The following ERC2 variants were observed in gnomAD, a reference collection of about 807,000 sequenced individuals.
The protein encoded by ERC2 is ERC protein 2.
A neutral mutation model predicts 114.8 loss-of-function variants in ERC2; 42 were observed. The observed-to-expected ratio is 0.37, with a 90% CI of 0.29 to 0.47. ERC2 has a LOEUF of 0.47. Ranked by LOEUF, ERC2 falls within the 20% of genes least tolerant of loss-of-function variation. The pLI is 0.99. For missense variants in ERC2, 939 were observed against 1,150.7 expected, an observed-to-expected ratio of 0.82 and a Z score of 2.66; for synonymous variants, 454 against 425.5, an observed-to-expected ratio of 1.07 and a Z score of -0.82.
At chr3:56,231,557 C>T (rs1055209094) in intron 3 of ERC2, among the ~76,000 whole-genome samples, 2 of 152,184 alleles carry the variant, frequency 1.3e-5, no homozygotes, top group Non-Finnish European at 2.9e-5. Context: ...ACAATTAGAA[C>T]TCCATGACAG....
chr3:55,697,740 G>A (rs1329889271), intron 16 of ERC2, among the ~76,000 whole-genome samples: 2 of 151,920 alleles, frequency 1.3e-5, no homozygotes, highest in Non-Finnish European at 2.9e-5. Context: ...TACTCTTATG[G>A]TACTCTCTGT....
chr3:55,583,342 T>TCTGCCTGCCTGCCTGCCTGC (rs560504811), intron 17 of ERC2, among the ~76,000 whole-genome samples: 1 of 148,932 alleles, frequency 6.7e-6, no homozygotes, highest in East Asian at 1.9e-4. Flanking sequence ...TGCCTGCCTG[T>TCTGCCTGCCTGCCTGCCTGC]CTGCCTGCCT....
At chr3:56,037,491 C>T (rs750342741) in intron 7 of ERC2, among the ~76,000 whole-genome samples, 8 of 151,704 alleles carry the variant, frequency 5.3e-5, no homozygotes, top group Non-Finnish European at 1.0e-4. Context: ...GACAGTCAGA[C>T]GAGATTAGAG....
At chr3:55,920,888 C>T (rs1354354182) in intron 13 of ERC2, among the ~76,000 whole-genome samples, 1 of 152,052 alleles carries the variant, frequency 6.6e-6, no homozygotes, top group African/African-American at 2.4e-5. Context: ...CATTTGACCA[C>T]AGAAGAACAG....
intron 15 of ERC2, among the ~76,000 whole-genome samples, chr3:55,730,337 C>T (rs1327691051): frequency 1.3e-5 from 2 of 152,200 alleles, no homozygotes; most frequent in Non-Finnish European, 2.9e-5. Flanking sequence ...GATTCCCCAG[C>T]ACTGCCAGAG....
At chr3:56,228,428 C>A (rs1296103795) in intron 3 of ERC2, among the ~76,000 whole-genome samples, 1 of 152,224 alleles carries the variant, frequency 6.6e-6, no homozygotes, top group Admixed American at 6.5e-5. Flanking sequence ...AATCTGACTG[C>A]TCTAAGTACT....
At chr3:56,440,298 C>G (rs2062228333) in intron 1 of ERC2, among the ~76,000 whole-genome samples, 2 of 152,134 alleles carry the variant, frequency 1.3e-5, no homozygotes, top group Non-Finnish European at 2.9e-5. Flanking sequence ...AATCCCAGCA[C>G]TTTGGGAGGC....
At chr3:55,979,774 T>A (rs2069921188) in intron 12 of ERC2, among the ~76,000 whole-genome samples, 2 of 146,944 alleles carry the variant, frequency 1.4e-5, no homozygotes, top group Admixed American at 1.3e-4. Flanking sequence ...ACCCCACCTC[T>A]GCAAAAAAAA....
chr3:56,223,482 A>G (rs2050050822), intron 3 of ERC2, among the ~76,000 whole-genome samples: 1 of 151,582 alleles, frequency 6.6e-6, no homozygotes, highest in Non-Finnish European at 1.5e-5. Flanking sequence ...AATTAATAAA[A>G]GGACAACAAA....
chr3:56,046,319 C>G (rs2075456194), intron 7 of ERC2, among the ~76,000 whole-genome samples: 1 of 152,140 alleles, frequency 6.6e-6, no homozygotes, highest in Non-Finnish European at 1.5e-5. Context: ...TTAGGAGATA[C>G]CCACAGGACA....
At chr3:55,974,695 G>C (rs560349066) in intron 12 of ERC2, among the ~76,000 whole-genome samples, 5 of 152,250 alleles carry the variant, frequency 3.3e-5, no homozygotes, top group African/African-American at 9.6e-5. Flanking sequence ...AGAGCTGACT[G>C]TCTCCAGTCT....
chr3:55,524,642 A>C (rs1337262840), intron 17 of ERC2, among the ~76,000 whole-genome samples: 7 of 152,044 alleles, frequency 4.6e-5, no homozygotes, highest in Non-Finnish European at 8.8e-5. Flanking sequence ...CACAAGAAGG[A>C]GCAGTTGTCA....
chr3:56,038,479 T>C (rs2074943231), intron 7 of ERC2, among the ~76,000 whole-genome samples: 1 of 152,234 alleles, frequency 6.6e-6, no homozygotes, highest in Admixed American at 6.5e-5. Flanking sequence ...TTTTACATTG[T>C]TGGTGGGAAT....
chr3:55,903,621 A>G (rs968237768), intron 13 of ERC2, among the ~76,000 whole-genome samples: 1 of 152,260 alleles, frequency 6.6e-6, no homozygotes, highest in Non-Finnish European at 1.5e-5. Context: ...ATAATTATAC[A>G]TATATCGAAA....
chr3:56,267,333 A>G (rs1293211716), intron 3 of ERC2, among the ~76,000 whole-genome samples: 2 of 152,228 alleles, frequency 1.3e-5, no homozygotes, highest in Admixed American at 6.5e-5. Context: ...AAGCTATAAG[A>G]CATTATGCTA....
intron 12 of ERC2, among the ~76,000 whole-genome samples, chr3:55,975,978 A>C (rs2069560434): frequency 6.6e-6 from 1 of 152,156 alleles, no homozygotes. Context: ...ATTCATATAG[A>C]ATTTGTCACC....
intron 14 of ERC2, among the ~76,000 whole-genome samples, chr3:55,804,771 A>C (rs2059429093): frequency 6.6e-6 from 1 of 152,118 alleles, no homozygotes; most frequent in Non-Finnish European, 1.5e-5. Context: ...AAAATGAAAT[A>C]GCCACCATCA....
chr3:55,733,323 G>A (rs1159328960), intron 15 of ERC2, among the ~76,000 whole-genome samples: 1 of 152,052 alleles, frequency 6.6e-6, no homozygotes, highest in Non-Finnish European at 1.5e-5. Flanking sequence ...ATGCCACTCT[G>A]TGGAATGACC....
At chr3:56,169,156 A>G (rs918142214) in intron 4 of ERC2, among the ~76,000 whole-genome samples, 75 of 151,720 alleles carry the variant, frequency 4.9e-4, no homozygotes, top group African/African-American at 1.7e-3. Context: ...AAATCACCAA[A>G]CTTTTACTAA....
Sources: gnomAD v4.1 joint callset for allele counts (sites outside exome capture counted in the v4.1 genomes callset) on GRCh38, gnomAD v4.1.1 for gene constraint, MANE v1.5 for transcripts, NCBI Gene and HGNC (gene_info 2026-07-23, HGNC 2026-07-21) for gene names.